Variants in LDB2 observed in about 807,000 individuals in gnomAD.
LDB2 encodes LIM domain binding 2, also known as LIM domain-binding protein 2.
LDB2 carries 12 observed loss-of-function variants against 44.3 expected under a neutral mutation model. That is an observed-to-expected ratio of 0.27 (90% CI 0.17 to 0.44). The LOEUF (loss-of-function observed/expected upper bound fraction) is 0.44. Ranked by LOEUF, LDB2 falls within the 20% of genes least tolerant of loss-of-function variation. The pLI, the probability that LDB2 is intolerant of heterozygous loss-of-function variation, is 1.00. For synonymous variants in LDB2, 164 were observed against 174.8 expected, an observed-to-expected ratio of 0.94 and a Z score of 0.49; for missense variants, 344 against 473.5, an observed-to-expected ratio of 0.73 and a Z score of 2.54.
At chr4:16,782,088 A>T (rs1432281804) in intron 1 of LDB2, among the ~76,000 whole-genome samples, 1 of 152,202 alleles carries the variant, frequency 6.6e-6, no homozygotes, top group Non-Finnish European at 1.5e-5. Context: ...TTGCCCACTT[A>T]CTTAACTGTG....
At chr4:16,763,692 A>G (rs895359115) in intron 1 of LDB2, among the ~76,000 whole-genome samples, 1 of 152,220 alleles carries the variant, frequency 6.6e-6, no homozygotes, top group African/African-American at 2.4e-5. Flanking sequence ...AGTGCTGTAC[A>G]TGTATTGAAC....
In LDB2 at chr4:16,827,562, A is replaced by G. The variant is rs146351579; in HGVS notation, c.133-68302T>C. Among the ~76,000 whole-genome samples the G allele has an allele frequency of 4.1e-3, 631 of 152,328 alleles. 4 individuals are homozygous for G. Among genetic ancestry groups the G allele is most frequent in the African/African-American group, 0.014 (586 of 41,582 alleles). On this transcript the variant is annotated intron_variant, in intron 1 of 7. Transcript: ENST00000304523. ...TTCAATTTAGTTCATAAGATTTGCT[A>G]GGCAAATTAGTGTCAAAAAGGCCTT...
chr4:16,570,068 C>G (rs1745863437), intron 5 of LDB2, among the ~76,000 whole-genome samples: 1 of 152,154 alleles, frequency 6.6e-6, no homozygotes, highest in African/African-American at 2.4e-5. Context: ...AGGAGCACAT[C>G]TCAAGTTGAG....
At chr4:16,825,501 A>G (rs997416661) in intron 1 of LDB2, among the ~76,000 whole-genome samples, 1 of 152,212 alleles carries the variant, frequency 6.6e-6, no homozygotes, top group African/African-American at 2.4e-5. Flanking sequence ...TAATGCGGGT[A>G]AAGAAGAAAA....
At chr4:16,667,338 G>C (rs1029042487) in intron 2 of LDB2, among the ~76,000 whole-genome samples, 3 of 152,042 alleles carry the variant, frequency 2.0e-5, no homozygotes, top group Non-Finnish European at 4.4e-5. Flanking sequence ...CGGAGCCCTG[G>C]GTGACATTGT....
chr4:16,856,544 T>C (rs538359137), intron 1 of LDB2, among the ~76,000 whole-genome samples: 1 of 152,192 alleles, frequency 6.6e-6, no homozygotes, highest in Non-Finnish European at 1.5e-5. Context: ...ACTACTCAAC[T>C]CTGCCACTGC....
At chr4:16,678,362 C>A (rs917898391) in intron 2 of LDB2, among the ~76,000 whole-genome samples, 5 of 152,200 alleles carry the variant, frequency 3.3e-5, no homozygotes, top group Non-Finnish European at 7.3e-5. Context: ...AATTGACATA[C>A]ATTAGACTGG....
intron 2 of LDB2, among the ~76,000 whole-genome samples, chr4:16,722,229 C>T (rs1758428059): frequency 6.6e-6 from 1 of 152,084 alleles, no homozygotes; most frequent in Non-Finnish European, 1.5e-5. Context: ...GAGAATCCTT[C>T]CAACAACCTT....
Position 16,664,702 on chromosome 4 carries a change from C to T in LDB2, c.236-68827G>A, listed in dbSNP as rs188927469. ...CTGGGGGACAAGCCTTCCCACAAGG[C>T]ATAAAATAATGGATCAATCTGAATT... On this transcript the variant is annotated intron_variant, in intron 2 of 7. Transcript: ENST00000304523. Among the ~76,000 whole-genome samples the T allele has an allele frequency of 1.9e-3, 285 of 152,344 alleles. 1 individual carries two copies. Among genetic ancestry groups the T allele is most frequent in the Non-Finnish European group, 2.5e-3 (169 of 68,032 alleles).
chr4:16,735,998 G>C (rs921817702), intron 2 of LDB2, among the ~76,000 whole-genome samples: 4 of 152,088 alleles, frequency 2.6e-5, no homozygotes, highest in Non-Finnish European at 4.4e-5. Context: ...ATTATCCAGG[G>C]AGCTGGACCT....
chr4:16,870,724 C>G (rs2110340447), intron 1 of LDB2, among the ~76,000 whole-genome samples: 1 of 152,214 alleles, frequency 6.6e-6, no homozygotes, highest in Middle Eastern at 3.4e-3. Flanking sequence ...ACCTCCACCT[C>G]CCAGTTCAAG....
At chr4:16,518,913 C>T (rs564402374) in intron 5 of LDB2, among the ~76,000 whole-genome samples, 2 of 152,184 alleles carry the variant, frequency 1.3e-5, no homozygotes, top group Non-Finnish European at 2.9e-5. Context: ...CAGTCGCCCA[C>T]ACTAAGTCAC....
chr4:16,730,332 T>A (rs1760472916), intron 2 of LDB2, among the ~76,000 whole-genome samples: 1 of 152,144 alleles, frequency 6.6e-6, no homozygotes, highest in Non-Finnish European at 1.5e-5. Flanking sequence ...AGTTACGACT[T>A]TGTATTGTCT....
At chr4:16,510,564 C>T (rs1432122332) in intron 6 of LDB2, among the ~76,000 whole-genome samples, 3 of 152,090 alleles carry the variant, frequency 2.0e-5, no homozygotes, top group Admixed American at 6.5e-5. Flanking sequence ...ACCTAAAATG[C>T]GTATTCTGGA....
At chr4:16,888,782 A>G (rs1262404414) in intron 1 of LDB2, 1 of 861,146 alleles carries the variant, frequency 1.2e-6, no homozygotes, top group Non-Finnish European at 1.4e-6. Context: ...GGCATTATAC[A>G]TGCATTTATT....
At chr4:16,554,962 A>G (rs1278942459) in intron 5 of LDB2, among the ~76,000 whole-genome samples, 1 of 152,224 alleles carries the variant, frequency 6.6e-6, no homozygotes, top group Non-Finnish European at 1.5e-5. Flanking sequence ...TTGATGTGAC[A>G]AATGTGCCAC....
At chr4:16,793,891 C>T (rs903471961) in intron 1 of LDB2, among the ~76,000 whole-genome samples, 1 of 152,050 alleles carries the variant, frequency 6.6e-6, no homozygotes, top group Non-Finnish European at 1.5e-5. Context: ...GAAACTGAGG[C>T]CTTGGAAAAC....
intron 2 of LDB2, among the ~76,000 whole-genome samples, chr4:16,619,125 A>T (rs1354202292): frequency 6.6e-6 from 1 of 152,206 alleles, no homozygotes; most frequent in Admixed American, 6.5e-5. Context: ...GTAGTTCTTT[A>T]TAGCAATGTG....
intron 2 of LDB2, among the ~76,000 whole-genome samples, chr4:16,712,013 A>G (rs1199145831): frequency 6.6e-6 from 1 of 152,228 alleles, no homozygotes; most frequent in Non-Finnish European, 1.5e-5. Flanking sequence ...CAAAGATTTC[A>G]TAGATATGAT....
Sources: gnomAD v4.1 joint callset for allele counts (sites outside exome capture counted in the v4.1 genomes callset) on GRCh38, gnomAD v4.1.1 for gene constraint, MANE v1.5 for transcripts, NCBI Gene and HGNC (gene_info 2026-07-23, HGNC 2026-07-21) for gene names.